Variants in SORBS3 observed in about 807,000 individuals in gnomAD.
The protein encoded by SORBS3 is sorbin and SH3 domain containing 3, also known as vinexin.
SORBS3 carries 69 observed loss-of-function variants against 98.0 expected under a neutral mutation model. The observed-to-expected ratio is 0.70, with a 90% confidence interval of 0.58 to 0.86. SORBS3 has a LOEUF of 0.86. Among genes scored for constraint, SORBS3 ranks in the 40% least tolerant of loss-of-function variants. The pLI, the probability that SORBS3 is intolerant of heterozygous loss-of-function variation, is 0.00. For synonymous variants in SORBS3, 394 were observed against 355.4 expected, an observed-to-expected ratio of 1.11 and a Z score of -1.22; for missense variants, 954 against 908.5, an observed-to-expected ratio of 1.05 and a Z score of -0.64.
upstream of SORBS3, chr8:22,549,762 GCCCGATT>G (rs545066636): frequency 5.4e-4 from 83 of 153,510 alleles, no homozygotes; most frequent in East Asian, 0.015. Context: ...TTTACTCAAC[GCCCGATT>G]CCCATAGAGA....
intron 12 of SORBS3, 54 bp from the exon 13 acceptor site, chr8:22,566,291 C>T (rs570093991): frequency 1.9e-6 from 3 of 1,586,598 alleles, no homozygotes; most frequent in African/African-American, 1.3e-5. Context: ...TAGGGGTGAC[C>T]AGGGTGGGGT....
At position 22,574,647 on chromosome 8, in the gene SORBS3, T is replaced by C. The variant is rs1458406084; in HGVS notation, c.1955-20T>C. ...TAAAGAAGGGAGTGGGGAAAGCTCT[T>C]CCTGCCTTTCCTCTTTCAGGTGTCT... is the stretch of plus-strand genomic sequence containing the variant. On this transcript the variant is annotated intron_variant, in intron 20 of 20. Transcript: ENST00000240123. 3 of 1,612,092 alleles carry C rather than the reference T, an allele frequency of 1.9e-6. No individual in the cohort carries two copies. The highest frequency in any genetic ancestry group is 3.4e-5 in the Admixed American group (2 of 59,656).
chr8:22,571,169 C>T lies in SORBS3; in HGVS notation c.1691C>T (p.Pro564Leu), dbSNP rs114474961. 2.3e-5 allele frequency: 37 copies of T among 1,583,104 alleles called. No individual in the cohort carries two copies. In the African/African-American group the frequency reaches 4.4e-4, roughly 19 times the overall value. Reference sequence around the variant, plus strand: ...ATCGACTTGGGGGGACAGACCTCCCCCCGTCGCACTGGCTTCTCCTTCCCC... The same window carrying T: ...ATCGACTTGGGGGGACAGACCTCCCTCCGTCGCACTGGCTTCTCCTTCCCC... Reference protein sequence around the residue: ...DPIDLGGQTSPRRTGFSFPTQ... With the variant: ...DPIDLGGQTSLRRTGFSFPTQ... Residue 564 changes from proline to leucine, a missense_variant, in exon 18 of 21, where the codon CCC (proline) becomes CTC (leucine). Transcript: ENST00000240123.
At chr8:22,572,927 T>A (rs1339697383) in intron 20 of SORBS3, among the ~76,000 whole-genome samples, 2 of 152,238 alleles carry the variant, frequency 1.3e-5, no homozygotes, top group Non-Finnish European at 2.9e-5. Flanking sequence ...AAGCCTCAGG[T>A]TGGCCTCAGC....
In SORBS3 at chr8:22,554,539, G is replaced by C. The variant is rs1423728700; in HGVS notation, c.33G>C (p.Gly11=). The change falls in exon 2 of 21, where the codon GGG becomes GGC. Residue 11 remains glycine, a synonymous_variant. Coordinates refer to ENST00000240123, the MANE Select transcript of SORBS3 (RefSeq NM_005775.5). The surrounding 1 kb of genome is among the most constrained non-coding windows in gnomAD (Gnocchi z 6.5). ...GCCCACCCCGCAGCCTCCGCGCTGG[G>C]CTCAGCCTGGACGACTTCATCCCTG... MQGPPRSLRA[G]LSLDDFIPGH... 1 of 1,612,608 alleles carries C rather than the reference G, an allele frequency of 6.2e-7. No individual in the cohort carries two copies. Among genetic ancestry groups the C allele is most frequent in the Non-Finnish European group, 8.5e-7 (1 of 1,179,964 alleles).
Position 22,575,041 on chromosome 8 carries a change from A to C in SORBS3, c.*313A>C. 5.5e-5 allele frequency: 28 copies of C among 511,488 alleles called. No homozygotes were observed. Among genetic ancestry groups the C allele is most frequent in the Middle Eastern group, 3.2e-4 (1 of 3,166 alleles). 31.7% of individuals were successfully genotyped at this position (511,488 alleles called of 1,614,324 possible). ...ACCAGACCCCAAGTCCCCCACCCCC[A>C]TCCTGCTCCAGCGTTTCCTCTAACA... On this transcript the variant is annotated 3_prime_UTR_variant, in exon 21 of 21. Coordinates refer to ENST00000240123, the MANE Select transcript of SORBS3 (RefSeq NM_005775.5).
chr8:22,554,627 A>G lies in SORBS3; in HGVS notation c.102+19A>G. ...GACACGGGTGAGTGAGTCAGTAGGG[A>G]GGAGGGTGTCCTGCGGGCCCGGAGT... On this transcript the variant is annotated intron_variant, in intron 2 of 20. Transcript: ENST00000240123. The surrounding 1 kb of genome is among the most constrained non-coding windows in gnomAD (Gnocchi z 6.5). The G allele has an allele frequency of 6.2e-7, 1 of 1,605,942 alleles. No individual in the cohort carries two copies.
At chr8:22,563,678 G>T in intron 7 of SORBS3, among the ~76,000 whole-genome samples, 1 of 152,210 alleles carries the variant, frequency 6.6e-6, no homozygotes, top group Non-Finnish European at 1.5e-5. Context: ...TGTGTGTGAG[G>T]CCTTCTCCCG....
Position 22,564,041 on chromosome 8 carries a change from T to G in SORBS3, c.639T>G (p.Pro213=). The G allele has an allele frequency of 6.2e-7, 1 of 1,613,996 alleles. No individual in the cohort carries two copies. The highest frequency in any genetic ancestry group is 1.1e-5 in the South Asian group (1 of 91,090). ...CTAGAAGCACCTTCAACTACAGACC[T>G]GGAGCATTCTCCACTGTGCTGCAGC... ...ELPRSTFNYR[P]GAFSTVLQPS... is the part of the protein sequence containing the mutation. The change falls in exon 8 of 21, where the codon CCT becomes CCG. Residue 213 remains proline (P), a synonymous_variant. Transcript: ENST00000240123.
At position 22,565,854 on chromosome 8, in the gene SORBS3, A is replaced by T; in HGVS notation, c.932A>T (p.Glu311Val). The T allele has an allele frequency of 7.8e-7, 1 of 1,279,242 alleles. No homozygotes were observed. Among genetic ancestry groups the T allele is most frequent in the Non-Finnish European group, 9.9e-7 (1 of 1,012,394 alleles). 79.2% of individuals were successfully genotyped at this position (1,279,242 alleles called of 1,614,324 possible). A position where few individuals can be genotyped will look rare whatever the true frequency, so the allele number is the denominator to read the frequency against. Residue 311 changes from glutamate to valine, a missense_variant, in exon 12 of 21, where the codon GAG (glutamate) becomes GTG (valine). By Grantham distance (121) the Glu-to-Val change is moderately radical. Transcript: ENST00000240123. ...TCGCCGGCGCCCCGACGGGCCCCGG[A>T]GCAGCGGCCCCCGGCCGGGTGAGTG... ...KSSPAPRRAP[E>V]QRPPAGPASA...
rs1840696203 is a variant in SORBS3, at chr8:22,574,965, C to T, written c.*237C>T. The T allele has an allele frequency of 1.5e-6, 1 of 674,036 alleles. No homozygotes were observed. 41.8% of individuals were successfully genotyped at this position (674,036 alleles called of 1,614,324 possible). A position where few individuals can be genotyped will look rare whatever the true frequency, so the allele number is the denominator to read the frequency against. ...TTCATTTCCTCCCCACCCCACTCCC[C>T]AAATACAGAGGTCTGCTTTGAAGCG... is the stretch of plus-strand genomic sequence containing the variant. On this transcript the variant is annotated 3_prime_UTR_variant, in exon 21 of 21. Coordinates refer to ENST00000240123, the MANE Select transcript of SORBS3 (RefSeq NM_005775.5).
chr8:22,564,674 TG>T, intron 10 of SORBS3, 153 bp downstream of exon 10: 2 of 1,363,026 alleles, frequency 1.5e-6, no homozygotes, highest in Non-Finnish European at 2.0e-6. Flanking sequence ...CTCAGGACAG[TG>T]GCTGGCATAC....
intron 20 of SORBS3, among the ~76,000 whole-genome samples, chr8:22,574,321 C>T (rs1489633244): frequency 1.3e-5 from 2 of 152,190 alleles, no homozygotes; most frequent in Non-Finnish European, 2.9e-5. Flanking sequence ...AGTGAGGGTG[C>T]CCTATTAGAC....
At chr8:22,572,518 T>C (rs1840615939) in intron 20 of SORBS3, 72 bp downstream of exon 20, 1 of 1,209,010 alleles carries the variant, frequency 8.3e-7, no homozygotes, top group Non-Finnish European at 1.2e-6. Context: ...TGCCTGCCAG[T>C]GCTGCTTCAG....
chr8:22,555,719 C>T (rs933591397), intron 3 of SORBS3, among the ~76,000 whole-genome samples: 4 of 152,002 alleles, frequency 2.6e-5, no homozygotes, highest in Admixed American at 6.6e-5. Context: ...GGTGTGGTGG[C>T]GGGTGCCTGA....
At chr8:22,550,033 C>T (rs1393684971), upstream of SORBS3, 6 of 985,068 alleles carry the variant, frequency 6.1e-6, no homozygotes, top group Non-Finnish European at 7.2e-6. Context: ...CGATGTGGTC[C>T]TTCTTAGTCC....
chr8:22,573,392 A>G, intron 20 of SORBS3: 1 of 456,324 alleles, frequency 2.2e-6, no homozygotes, highest in Non-Finnish European at 4.4e-6. Context: ...AAGCGCTTTG[A>G]GAGGAATGGG....
chr8:22,569,995 G>A (rs1441415492), intron 17 of SORBS3, among the ~76,000 whole-genome samples: 1 of 152,178 alleles, frequency 6.6e-6, no homozygotes, highest in Non-Finnish European at 1.5e-5. Context: ...TTATCATACC[G>A]TAGGCAGTTC....
chr8:22,573,031 G>A (rs62492623), intron 20 of SORBS3, among the ~76,000 whole-genome samples: 8 of 152,338 alleles, frequency 5.3e-5, no homozygotes, highest in Admixed American at 1.3e-4. Flanking sequence ...AGGATGGGCC[G>A]TCCCCAGAGA....
Sources: allele counts gnomAD v4.1 joint callset (sites outside exome capture counted in the v4.1 genomes callset), GRCh38; gene constraint gnomAD v4.1.1; non-coding constraint Gnocchi (gnomAD v3.1); transcripts MANE v1.5; gene names NCBI Gene and HGNC (gene_info 2026-07-23, HGNC 2026-07-21).